Variants in ARMC9 observed in about 807,000 individuals in gnomAD.
ARMC9 encodes the protein armadillo repeat containing 9, also known as lisH domain-containing protein ARMC9.
Under a neutral mutation model 107.0 loss-of-function variants are expected in ARMC9, and 94 were observed. That is an observed-to-expected ratio of 0.88 (90% CI 0.74 to 1.04). The LOEUF (loss-of-function observed/expected upper bound fraction) is 1.04. ARMC9 is among the 50% of genes least tolerant of loss of function. The pLI, the probability that ARMC9 is intolerant of heterozygous loss-of-function variation, is 0.00. For synonymous variants in ARMC9, 380 were observed against 396.9 expected (o/e 0.96, Z 0.51); for missense variants, 942 against 1,030.1 (o/e 0.91, Z 1.17).
rs142922800 is a variant in ARMC9 at position 231,219,172 on chromosome 2, T to C, written c.504+2379T>C. ...TTTTTTTTGTCAAGTATCTTAGTTATATATTTTAAATGTACAAATTAAGAA... is the reference window on the plus strand; with the variant it reads ...TTTTTTTTGTCAAGTATCTTAGTTACATATTTTAAATGTACAAATTAAGAA... On this transcript the variant is annotated intron_variant, in intron 5 of 24. Coordinates refer to ENST00000611582, the MANE Select transcript of ARMC9 (RefSeq NM_001352754.2). Among the ~76,000 whole-genome samples the C allele has an allele frequency of 2.6e-3, 389 of 152,210 alleles. 2 individuals carry two copies. The highest frequency in any genetic ancestry group is 8.6e-3 in the African/African-American group (356 of 41,540).
At chr2:231,262,098 A>G (rs1349873191) in intron 11 of ARMC9, among the ~76,000 whole-genome samples, 2 of 152,100 alleles carry the variant, frequency 1.3e-5, no homozygotes, top group Non-Finnish European at 2.9e-5. Flanking sequence ...CTGGGATTAC[A>G]GGTGTGAGCC....
chr2:231,326,131 A>C (rs2043302622), intron 19 of ARMC9, among the ~76,000 whole-genome samples: 1 of 152,186 alleles, frequency 6.6e-6, no homozygotes, highest in Non-Finnish European at 1.5e-5. Context: ...ACCTCCTCAG[A>C]AACAGGCTTC....
intron 9 of ARMC9, among the ~76,000 whole-genome samples, chr2:231,240,960 GA>G (rs1012410070): frequency 6.6e-6 from 1 of 152,242 alleles, no homozygotes; most frequent in Admixed American, 6.5e-5. Flanking sequence ...AGCACTTTGG[GA>G]GGCCAAGGCG....
At chr2:231,208,983 C>G (rs553379734) in intron 3 of ARMC9, among the ~76,000 whole-genome samples, 37 of 152,168 alleles carry the variant, frequency 2.4e-4, no homozygotes, top group African/African-American at 8.9e-4. Context: ...CTCATCACCA[C>G]CTCTGCCTCC....
At chr2:231,219,458 CA>C (rs2033881650) in intron 5 of ARMC9, among the ~76,000 whole-genome samples, 1 of 152,168 alleles carries the variant, frequency 6.6e-6, no homozygotes, top group African/African-American at 2.4e-5. Flanking sequence ...ATTGAAGATA[CA>C]AATCCTAGCT....
chr2:231,300,713 A>G (rs1430984918), intron 19 of ARMC9, among the ~76,000 whole-genome samples: 1 of 152,212 alleles, frequency 6.6e-6, no homozygotes, highest in Non-Finnish European at 1.5e-5. Context: ...CATGCTCCTA[A>G]CCACTGCCCT....
chr2:231,228,086 G>A (rs1286476048), intron 7 of ARMC9, among the ~76,000 whole-genome samples: 1 of 152,174 alleles, frequency 6.6e-6, no homozygotes, highest in African/African-American at 2.4e-5. Context: ...CTCTCTCAGT[G>A]CTAGCCTAGG....
chr2:231,224,268 G>A (rs936855337), intron 6 of ARMC9, among the ~76,000 whole-genome samples: 4 of 152,290 alleles, frequency 2.6e-5, no homozygotes, highest in South Asian at 2.1e-4. Context: ...GCAACATGGC[G>A]AAACCCCATC....
chr2:231,218,399 T>A (rs2033760288), intron 5 of ARMC9, among the ~76,000 whole-genome samples: 2 of 152,124 alleles, frequency 1.3e-5, no homozygotes, highest in African/African-American at 4.8e-5. Context: ...AAAAAATTTC[T>A]AAAAATAAAT....
chr2:231,208,170 C>T lies in ARMC9; in HGVS notation c.95C>T (p.Ser32Leu). ...AEFEDTLKTF[S>L]KECKIKGKPL... ...TTTGAAGACACCTTGAAAACATTTT[C>T]AAAAGAATGCAAAATAAAAGGAAAA... is the stretch of plus-strand genomic sequence containing the variant. Residue 32 changes from serine (S) to leucine (L), a missense_variant, in exon 3 of 25, where the codon TCA becomes TTA. Transcript: ENST00000611582. The T allele has an allele frequency of 6.2e-7, 1 of 1,605,190 alleles. No homozygotes were observed. The highest frequency in any genetic ancestry group is 8.5e-7 in the Non-Finnish European group (1 of 1,174,762).
At chr2:231,345,584 A>G (rs953304134) in intron 21 of ARMC9, among the ~76,000 whole-genome samples, 2 of 152,130 alleles carry the variant, frequency 1.3e-5, no homozygotes, top group African/African-American at 4.8e-5. Flanking sequence ...TAGAAATGAA[A>G]TTTTAGTCTC....
chr2:231,290,150 A>AT (rs941861461), intron 17 of ARMC9, among the ~76,000 whole-genome samples: 3 of 152,226 alleles, frequency 2.0e-5, no homozygotes, highest in African/African-American at 7.2e-5. Flanking sequence ...GTCAACTCAA[A>AT]TTGTTATCCT....
At chr2:231,249,874 C>CACGTGCATTTGCAG (rs1559351141) in intron 9 of ARMC9, among the ~76,000 whole-genome samples, 13 of 79,656 alleles carry the variant, frequency 1.6e-4, no homozygotes, top group African/African-American at 5.4e-4. Flanking sequence ...GGGAGACCAC[C>CACGTGCATTTGCAG]GCCCACCCGT....
At chr2:231,322,176 T>C (rs1162002330) in intron 19 of ARMC9, among the ~76,000 whole-genome samples, 2 of 152,244 alleles carry the variant, frequency 1.3e-5, no homozygotes, top group Non-Finnish European at 2.9e-5. Context: ...CGGGGAGCCC[T>C]CAAGGATCCC....
intron 23 of ARMC9, among the ~76,000 whole-genome samples, chr2:231,365,887 CTCCCGGGT>C (rs1177848941): frequency 1.3e-5 from 2 of 152,302 alleles, no homozygotes; most frequent in East Asian, 3.9e-4. Context: ...CAACCTCTGC[CTCCCGGGT>C]TCAAGCGATT....
chr2:231,266,894 C>T (rs1177911952), intron 12 of ARMC9, among the ~76,000 whole-genome samples: 1 of 152,212 alleles, frequency 6.6e-6, no homozygotes, highest in Non-Finnish European at 1.5e-5. Context: ...AGTGTGCATG[C>T]ACATCCTGAC....
intron 20 of ARMC9, among the ~76,000 whole-genome samples, chr2:231,338,495 G>A (rs953908846): frequency 1.3e-5 from 2 of 150,912 alleles, no homozygotes; most frequent in Admixed American, 1.3e-4. Flanking sequence ...TCAAAGTGTT[G>A]GGATTACAGG....
rs1427406856 is a variant in ARMC9 at position 231,353,966 on chromosome 2, C to CAT, written c.1995-1827_1995-1826dup. ...TTTAAATCTTTCTGTAACAATGCAG[C>CAT]ATATATGTATATATACACACACACA... is the stretch of plus-strand genomic sequence containing the variant. On this transcript the variant is annotated intron_variant, in intron 21 of 24. Transcript: ENST00000611582. Among the ~76,000 whole-genome samples the CAT allele has an allele frequency of 3.9e-3, 528 of 136,262 alleles. 2 individuals carry two copies. The highest frequency in any genetic ancestry group is 0.018 in the African/African-American group (492 of 27,886). The allele number at this position is 136,262 out of a possible 152,430, so 89.4% of individuals were successfully genotyped here.
chr2:231,252,000 T>C (rs1301034965), intron 9 of ARMC9, among the ~76,000 whole-genome samples: 1 of 152,206 alleles, frequency 6.6e-6, no homozygotes, highest in African/African-American at 2.4e-5. Flanking sequence ...TTTGTTTATT[T>C]TATTAGATAC....
Sources: gnomAD v4.1 joint callset for allele counts (sites outside exome capture counted in the v4.1 genomes callset) on GRCh38, gnomAD v4.1.1 for gene constraint, MANE v1.5 for transcripts, NCBI Gene and HGNC (gene_info 2026-07-23, HGNC 2026-07-21) for gene names.